SBNO1: variants seen among roughly 807,000 people sequenced by gnomAD.
The protein encoded by SBNO1 is strawberry notch homolog 1.
SBNO1 carries 23 observed loss-of-function variants against 173.6 expected under a neutral mutation model. The ratio of observed to expected loss-of-function variants is 0.13; its 90% CI spans 0.10 to 0.19. SBNO1 has a LOEUF of 0.19. Among genes scored for constraint, SBNO1 ranks in the 10% least tolerant of loss-of-function variants. SBNO1 has a pLI of 1.00. For missense variants in SBNO1, 1,238 were observed against 1,671.2 expected (o/e 0.74, Z 4.52); for synonymous variants, 632 against 571.5 (o/e 1.11, Z -1.51).
chr12:123,297,309 G>T (rs1435683683), intron 31 of SBNO1, among the ~76,000 whole-genome samples: 1 of 107,418 alleles, frequency 9.3e-6, no homozygotes, highest in Admixed American at 1.3e-4. Context: ...CAGCCTGGGC[G>T]ACACAGTGAG....
chr12:123,336,982 C>G (rs921292445), intron 5 of SBNO1, among the ~76,000 whole-genome samples: 6 of 152,214 alleles, frequency 3.9e-5, no homozygotes, highest in African/African-American at 1.4e-4. Context: ...CTTCTCAGTT[C>G]ACTTCTATTT....
intron 30 of SBNO1, among the ~76,000 whole-genome samples, chr12:123,300,270 A>C (rs1488465247): frequency 1.3e-5 from 2 of 152,064 alleles, no homozygotes; most frequent in Non-Finnish European, 2.9e-5. Flanking sequence ...TGTGTTGAGG[A>C]GGTTGGTCTC....
intron 28 of SBNO1, among the ~76,000 whole-genome samples, chr12:123,305,541 C>T (rs776961198): frequency 3.2e-4 from 49 of 152,166 alleles, no homozygotes; most frequent in Non-Finnish European, 6.3e-4. Flanking sequence ...GGCGCGATCT[C>T]GGCTCACTGC....
chr12:123,320,403 A>C lies in SBNO1; in HGVS notation c.2667+29T>G, dbSNP rs548233124. 4 of 1,581,658 alleles carry C rather than the reference A, an allele frequency of 2.5e-6. No individual in the cohort carries two copies. The African/African-American group carries it at 5.4e-5, about 21-fold the overall frequency. ...TTTTACAGGGGTTCAAATGGCAAAA[A>C]TGTCACCAAGAGATACAGGCCTATT... is the stretch of plus-strand genomic sequence containing the variant. On this transcript the variant is annotated intron_variant, in intron 19 of 31. Coordinates refer to ENST00000602398, the MANE Select transcript of SBNO1 (RefSeq NM_001167856.3).
At chr12:123,327,127 TC>T (rs1468242748) in intron 13 of SBNO1, among the ~76,000 whole-genome samples, 12 of 152,166 alleles carry the variant, frequency 7.9e-5, no homozygotes, top group Admixed American at 7.2e-4. Context: ...TGCCTCAGCC[TC>T]CCCAAGTAGC....
intron 7 of SBNO1, among the ~76,000 whole-genome samples, chr12:123,333,435 TC>T (rs1251883893): frequency 6.6e-6 from 1 of 152,166 alleles, no homozygotes; most frequent in Non-Finnish European, 1.5e-5. Flanking sequence ...CTGCATATGT[TC>T]TTATCTAACA....
intron 1 of SBNO1, among the ~76,000 whole-genome samples, chr12:123,358,849 A>C (rs1028158229): frequency 6.6e-6 from 1 of 151,992 alleles, no homozygotes; most frequent in African/African-American, 2.4e-5. Context: ...TCACTCCAAG[A>C]TCCTGTACTC....
At chr12:123,322,428 G>T (rs1276143423) in intron 16 of SBNO1, among the ~76,000 whole-genome samples, 2 of 152,084 alleles carry the variant, frequency 1.3e-5, no homozygotes, top group African/African-American at 4.8e-5. Flanking sequence ...CCTTATAGCT[G>T]GGATTATAAG....
chr12:123,322,356 A>G (rs1870083425), intron 16 of SBNO1, among the ~76,000 whole-genome samples: 1 of 151,974 alleles, frequency 6.6e-6, no homozygotes, highest in Non-Finnish European at 1.5e-5. Context: ...GTGCAGTGGC[A>G]TAATCTTGGC....
Position 123,294,248 on chromosome 12 carries a change from CAA to C in SBNO1, c.*1658_*1659del, listed in dbSNP as rs1293509789. Reference sequence around the variant, plus strand: ...AACCAAACTCAGGCTAAAGGAGACACAAGAGGATGAACGCCCTAAGCTTTCAG... The same window carrying C: ...AACCAAACTCAGGCTAAAGGAGACACGAGGATGAACGCCCTAAGCTTTCAG... On this transcript the variant is annotated 3_prime_UTR_variant, in exon 32 of 32. Coordinates refer to ENST00000602398, the MANE Select transcript of SBNO1 (RefSeq NM_001167856.3). 9.8e-6 allele frequency: 1 copy of C among 101,986 alleles called. No homozygotes were observed. The highest frequency in any genetic ancestry group is 2.7e-5 in the Non-Finnish European group (1 of 36,544). 6.3% of individuals were successfully genotyped at this position (101,986 alleles called of 1,614,324 possible). A position where few individuals can be genotyped will look rare whatever the true frequency, so the allele number is the denominator to read the frequency against.
chr12:123,326,120 C>CA (rs386378034), intron 14 of SBNO1, 32 bp downstream of exon 14: 8 of 1,520,846 alleles, frequency 5.3e-6, no homozygotes, highest in Middle Eastern at 1.7e-4. Flanking sequence ...ACATAACCCC[C>CA]AAACAATCTC....
At position 123,341,551 on chromosome 12, in the gene SBNO1, C is replaced by A. The variant is rs187479718; in HGVS notation, c.551-463G>T. 6.6e-4 allele frequency among the ~76,000 whole-genome samples: 101 copies of A among 152,248 alleles called. 1 individual carries two copies. The highest frequency in any genetic ancestry group is 2.2e-3 in the African/African-American group (92 of 41,564). The stretch of plus-strand genomic sequence containing the variant: ...TTTTATTTATTTATTTTTGGAGTTT[C>A]ACTCTTGTTGCCCAGGATGGAGTGC... On this transcript the variant is annotated intron_variant, in intron 4 of 31. Transcript: ENST00000602398.
At chr12:123,301,866 G>C (rs1300918243) in intron 30 of SBNO1, among the ~76,000 whole-genome samples, 2 of 152,066 alleles carry the variant, frequency 1.3e-5, no homozygotes, top group African/African-American at 4.8e-5. Context: ...GTGATATAGG[G>C]AGACTGTCTC....
In SBNO1 at chr12:123,304,760, C is replaced by T. The variant is rs578054545; in HGVS notation, c.3631-41G>A. 3.1e-6 allele frequency: 4 copies of T among 1,279,272 alleles called. No individual in the cohort carries two copies. In the East Asian group the frequency reaches 7.0e-5, roughly 22 times the overall value. 79.2% of individuals were successfully genotyped at this position (1,279,272 alleles called of 1,614,324 possible). A position where few individuals can be genotyped will look rare whatever the true frequency, so the allele number is the denominator to read the frequency against. Reference sequence around the variant, plus strand: ...GACAAAATATAAAGATTTTATAATACACACTTTAAGACATGTTTCTGTACC... The same window carrying T: ...GACAAAATATAAAGATTTTATAATATACACTTTAAGACATGTTTCTGTACC... On this transcript the variant is annotated intron_variant, in intron 28 of 31. Transcript: ENST00000602398.
chr12:123,324,843 G>A (rs932245676), intron 15 of SBNO1, among the ~76,000 whole-genome samples: 1 of 151,526 alleles, frequency 6.6e-6, no homozygotes, highest in Non-Finnish European at 1.5e-5. Context: ...TCACTCTGCC[G>A]CCCAGAGGGG....
At chr12:123,305,369 T>C (rs1297288532) in intron 28 of SBNO1, among the ~76,000 whole-genome samples, 2 of 152,170 alleles carry the variant, frequency 1.3e-5, no homozygotes, top group African/African-American at 4.8e-5. Context: ...AAAGCTGCTA[T>C]GGCAGCAGAA....
intron 1 of SBNO1, among the ~76,000 whole-genome samples, chr12:123,354,744 G>A (rs778000207): frequency 1.3e-5 from 2 of 152,116 alleles, no homozygotes; most frequent in Non-Finnish European, 2.9e-5. Flanking sequence ...AATACTGTTA[G>A]GTACAAGAGA....
chr12:123,348,156 CA>C (rs200621560), intron 2 of SBNO1, 23 bp from the exon 3 acceptor site: 1 of 1,261,602 alleles, frequency 7.9e-7, no homozygotes, highest in Non-Finnish European at 1.1e-6. Context: ...CAACATCAGA[CA>C]AAAAATAAAA....
At chr12:123,335,866 G>A (rs749502243) in intron 6 of SBNO1, among the ~76,000 whole-genome samples, 1 of 152,188 alleles carries the variant, frequency 6.6e-6, no homozygotes, top group Non-Finnish European at 1.5e-5. Context: ...AGCAGAAAAG[G>A]ATGGAATCTT....
Sources: gnomAD v4.1 joint callset for allele counts (sites outside exome capture counted in the v4.1 genomes callset) on GRCh38, gnomAD v4.1.1 for gene constraint, MANE v1.5 for transcripts, NCBI Gene and HGNC (gene_info 2026-07-23, HGNC 2026-07-21) for gene names.